UNC13C: variants seen among roughly 807,000 people sequenced by gnomAD.
UNC13C encodes protein unc-13 homolog C.
Under a neutral mutation model 245.4 loss-of-function variants are expected in UNC13C, and 174 were observed. The observed-to-expected ratio is 0.71, with a 90% confidence interval of 0.63 to 0.80. The LOEUF (loss-of-function observed/expected upper bound fraction) is 0.80. Among genes scored for constraint, UNC13C ranks in the 30% least tolerant of loss-of-function variants. UNC13C has a pLI of 0.00. For missense variants in UNC13C, 2,829 were observed against 2,602.9 expected (o/e 1.09, Z -1.89); for synonymous variants, 992 against 895.1 (o/e 1.11, Z -1.93).
intron 19 of UNC13C, among the ~76,000 whole-genome samples, chr15:54,479,957 CTGTT>C (rs1398068269): frequency 1.3e-5 from 2 of 151,906 alleles, no homozygotes; most frequent in African/African-American, 4.8e-5. Context: ...TTTGTTGTTG[CTGTT>C]TGTTTGTTTT....
intron 1 of UNC13C, among the ~76,000 whole-genome samples, chr15:54,007,422 A>G (rs1046599483): frequency 6.6e-6 from 1 of 152,224 alleles, no homozygotes; most frequent in African/African-American, 2.4e-5. Context: ...ATGGAATACT[A>G]TGAAGCCATA....
At chr15:54,252,193 A>C (rs966550491) in intron 8 of UNC13C, among the ~76,000 whole-genome samples, 1 of 152,308 alleles carries the variant, frequency 6.6e-6, no homozygotes, top group African/African-American at 2.4e-5. Flanking sequence ...AAATGGCTTA[A>C]ATTCCTTAGA....
At chr15:53,840,619 T>G in the UNC13C span, among the ~76,000 whole-genome samples, 1 of 152,122 alleles carries the variant, frequency 6.6e-6, no homozygotes, top group Non-Finnish European at 1.5e-5. Flanking sequence ...CACTATCTCC[T>G]TTTGCCTTGA....
chr15:54,031,754 A>T (rs1358275602), intron 2 of UNC13C, among the ~76,000 whole-genome samples: 1 of 152,204 alleles, frequency 6.6e-6, no homozygotes, highest in Non-Finnish European at 1.5e-5. Context: ...ATACTATAGA[A>T]ATAAGGATCA....
intron 14 of UNC13C, among the ~76,000 whole-genome samples, chr15:54,329,203 A>C (rs2038376954): frequency 6.6e-6 from 1 of 151,492 alleles, no homozygotes; most frequent in African/African-American, 2.4e-5. Context: ...ATTTTGATAC[A>C]TGCATACAAT....
chr15:54,354,056 A>C (rs1359267316), intron 17 of UNC13C, among the ~76,000 whole-genome samples: 1 of 152,222 alleles, frequency 6.6e-6, no homozygotes, highest in Non-Finnish European at 1.5e-5. Context: ...TGGATGTCTT[A>C]GGAAGAGATG....
At chr15:54,327,804 C>T (rs898301462) in intron 14 of UNC13C, among the ~76,000 whole-genome samples, 1 of 151,980 alleles carries the variant, frequency 6.6e-6, no homozygotes, top group African/African-American at 2.4e-5. Context: ...AAGTTAGGGT[C>T]CTATCTTCCC....
At chr15:54,219,916 G>C (rs1401195430) in intron 4 of UNC13C, among the ~76,000 whole-genome samples, 1 of 151,578 alleles carries the variant, frequency 6.6e-6, no homozygotes, top group Non-Finnish European at 1.5e-5. Context: ...ACACCAGTTA[G>C]AATGGCAATC....
chr15:54,378,530 G>GT (rs1313817200), intron 17 of UNC13C, among the ~76,000 whole-genome samples: 4 of 151,794 alleles, frequency 2.6e-5, no homozygotes, highest in African/African-American at 9.7e-5. Flanking sequence ...TTAATTAAAT[G>GT]TAAGTATTCC....
intron 4 of UNC13C, among the ~76,000 whole-genome samples, chr15:54,215,736 T>G (rs1239886086): frequency 2.6e-5 from 4 of 151,894 alleles, no homozygotes; most frequent in Non-Finnish European, 5.9e-5. Context: ...ATTACCTCAG[T>G]CAAGACTCTC....
Position 54,076,063 on chromosome 15 carries a change from CTT to C in UNC13C, c.2983+60191_2983+60192del, listed in dbSNP as rs369248247. 1.5e-4 allele frequency among the ~76,000 whole-genome samples: 19 copies of C among 124,856 alleles called. 1 individual carries two copies. Among genetic ancestry groups the C allele is most frequent in the African/African-American group, 5.5e-4 (18 of 32,978 alleles). The allele number at this position is 124,856 out of a possible 152,430, so 81.9% of individuals were successfully genotyped here. A position where few individuals can be genotyped will look rare whatever the true frequency, so the allele number is the denominator to read the frequency against. ...CTCTTTCTGCTCCTTCACTTAGATTCTTTTTTTTTTTTTTTCACTTTGTCTCC... is the reference window on the plus strand; with the variant it reads ...CTCTTTCTGCTCCTTCACTTAGATTCTTTTTTTTTTTTTCACTTTGTCTCC... On this transcript the variant is annotated intron_variant, in intron 2 of 32. Coordinates refer to ENST00000260323, the MANE Select transcript of UNC13C (RefSeq NM_001080534.3).
At chr15:54,389,083 C>T (rs2039898607) in intron 17 of UNC13C, among the ~76,000 whole-genome samples, 1 of 152,140 alleles carries the variant, frequency 6.6e-6, no homozygotes, top group Non-Finnish European at 1.5e-5. Context: ...AACTCCCTGA[C>T]ATGACACACA....
In UNC13C at chr15:54,276,002, G is replaced by A. The variant is rs796735566; in HGVS notation, c.3818+10506G>A. Among the ~76,000 whole-genome samples, 23 of 152,164 alleles carry A rather than the reference G, an allele frequency of 1.5e-4. 2 individuals carry two copies. The highest frequency in any genetic ancestry group is 5.5e-4 in the African/African-American group (23 of 41,534). On this transcript the variant is annotated intron_variant, in intron 10 of 32. Transcript: ENST00000260323. ...TTGGGTAAGTCTCAAAATAATTATG[G>A]TAAGTGACAGAATTCAGACAGGAAT...
intron 2 of UNC13C, among the ~76,000 whole-genome samples, chr15:54,102,202 G>A (rs1392980463): frequency 6.6e-6 from 1 of 151,888 alleles, no homozygotes; most frequent in Non-Finnish European, 1.5e-5. Flanking sequence ...ATAGCTTGGA[G>A]TCTAGTAGGT....
chr15:54,167,602 G>GAAAAAACAAAAAA (rs2033224090), intron 4 of UNC13C, among the ~76,000 whole-genome samples: 1 of 63,570 alleles, frequency 1.6e-5, no homozygotes, highest in African/African-American at 6.0e-5. Context: ...ATCCAAATAG[G>GAAAAAACAAAAAA]AAAAAAAAAA....
chr15:54,227,602 A>G (rs79936608), intron 4 of UNC13C, among the ~76,000 whole-genome samples: 7,565 of 152,286 alleles, frequency 0.05, 378 homozygotes, highest in East Asian at 0.27. Flanking sequence ...CACACCAGCC[A>G]AGTCATGACA....
the UNC13C span, among the ~76,000 whole-genome samples, chr15:53,854,136 T>C: frequency 6.6e-6 from 1 of 150,610 alleles, no homozygotes; most frequent in African/African-American, 2.4e-5. Context: ...TTTTTTTTTT[T>C]TTGAGATGGA....
intron 2 of UNC13C, among the ~76,000 whole-genome samples, chr15:54,111,044 A>C (rs1269703313): frequency 3.3e-5 from 5 of 152,254 alleles, no homozygotes; most frequent in Non-Finnish European, 7.3e-5. Context: ...CATAATGCAC[A>C]CTACAAAATT....
chr15:54,508,609 C>T (rs921664098), intron 23 of UNC13C, among the ~76,000 whole-genome samples: 3 of 152,084 alleles, frequency 2.0e-5, no homozygotes, highest in Non-Finnish European at 4.4e-5. Flanking sequence ...TTACTAATAT[C>T]TTGACCAGCC....
Sources: allele counts gnomAD v4.1 joint callset (sites outside exome capture counted in the v4.1 genomes callset), GRCh38; gene constraint gnomAD v4.1.1; transcripts MANE v1.5; gene names NCBI Gene and HGNC (gene_info 2026-07-23, HGNC 2026-07-21).